The following MACROD2 variants were observed in gnomAD, a reference collection of about 807,000 sequenced individuals.
MACROD2 encodes mono-ADP ribosylhydrolase 2.
In MACROD2, 36 loss-of-function variants were observed where a neutral mutation model predicts 70.4. That is an observed-to-expected ratio of 0.51 (90% CI 0.39 to 0.68). MACROD2 has a LOEUF of 0.68. Among genes scored for constraint, MACROD2 ranks in the 30% least tolerant of loss-of-function variants. The pLI is 0.00. For missense variants in MACROD2, 496 were observed against 538.4 expected (o/e 0.92, Z 0.78); for synonymous variants, 172 against 178.8 (o/e 0.96, Z 0.30).
chr20:15,652,936 A>G (rs140230741), intron 8 of MACROD2, among the ~76,000 whole-genome samples: 43 of 152,286 alleles, frequency 2.8e-4, no homozygotes, highest in African/African-American at 1.0e-3. Context: ...AACTAATATT[A>G]CTGCTATAAT....
At chr20:14,500,503 C>A (rs1188779402) in intron 4 of MACROD2, among the ~76,000 whole-genome samples, 1 of 152,174 alleles carries the variant, frequency 6.6e-6, no homozygotes, top group Non-Finnish European at 1.5e-5. Flanking sequence ...TAACTTAGCC[C>A]TGATTGCTCT....
At chr20:15,618,787 G>T (rs988172129) in intron 8 of MACROD2, among the ~76,000 whole-genome samples, 1 of 152,198 alleles carries the variant, frequency 6.6e-6, no homozygotes, top group African/African-American at 2.4e-5. Context: ...TGCCTAGACA[G>T]AGCTGATTTA....
intron 9 of MACROD2, among the ~76,000 whole-genome samples, chr20:15,867,187 C>G (rs2064505406): frequency 6.6e-6 from 1 of 152,168 alleles, no homozygotes; most frequent in Non-Finnish European, 1.5e-5. Context: ...TTTGGACCCA[C>G]TCTAATTACC....
chr20:14,978,572 A>G (rs1021813244), intron 5 of MACROD2, among the ~76,000 whole-genome samples: 1 of 151,822 alleles, frequency 6.6e-6, no homozygotes, highest in Non-Finnish European at 1.5e-5. Context: ...GCCACAAACT[A>G]GCTATGTGAC....
chr20:14,605,936 T>C, intron 4 of MACROD2, among the ~76,000 whole-genome samples: 1 of 152,108 alleles, frequency 6.6e-6, no homozygotes, highest in East Asian at 1.9e-4. Flanking sequence ...CGTGTAAAAT[T>C]TTTTGTGTCT....
Position 15,721,133 on chromosome 20 carries a change from G to A in MACROD2, c.646-141612G>A, listed in dbSNP as rs192287761. Among the ~76,000 whole-genome samples the A allele has an allele frequency of 3.3e-4, 51 of 152,282 alleles. No individual in the cohort carries two copies. The East Asian group carries it at 8.3e-3, about 25-fold the overall frequency. ...ACATGGGTGGGCAGATTACTCTGTAGAAAGTACCTTCATGGCATGCCATGA... is the reference window on the plus strand; with the variant it reads ...ACATGGGTGGGCAGATTACTCTGTAAAAAGTACCTTCATGGCATGCCATGA... On this transcript the variant is annotated intron_variant, in intron 8 of 17. Coordinates refer to ENST00000684519, the MANE Select transcript of MACROD2 (RefSeq NM_001351661.2).
chr20:15,940,917 A>G (rs1198599614), intron 12 of MACROD2, among the ~76,000 whole-genome samples: 1 of 152,208 alleles, frequency 6.6e-6, no homozygotes, highest in Non-Finnish European at 1.5e-5. Flanking sequence ...AAGTGTCATG[A>G]AGTTGAGTGG....
intron 3 of MACROD2, among the ~76,000 whole-genome samples, chr20:14,458,117 AAAAG>A (rs1292856212): frequency 3.3e-5 from 5 of 152,072 alleles, no homozygotes; most frequent in African/African-American, 4.8e-5. Flanking sequence ...AAGAAAAAAA[AAAAG>A]AGTAAATAAA....
intron 8 of MACROD2, among the ~76,000 whole-genome samples, chr20:15,635,783 G>A (rs554390899): frequency 1.3e-5 from 2 of 152,156 alleles, no homozygotes; most frequent in East Asian, 3.9e-4. Flanking sequence ...AATCCCCAAG[G>A]GCAGCTGGGC....
chr20:15,105,428 C>T (rs796213034), intron 5 of MACROD2, among the ~76,000 whole-genome samples: 96 of 152,238 alleles, frequency 6.3e-4, no homozygotes, highest in African/African-American at 2.1e-3. Context: ...GGTCAAATTC[C>T]TACAACCTCT....
chr20:14,777,452 C>T (rs914572564), intron 5 of MACROD2, among the ~76,000 whole-genome samples: 1 of 151,946 alleles, frequency 6.6e-6, no homozygotes, highest in Non-Finnish European at 1.5e-5. Context: ...GGAAAGCTAT[C>T]AGAACCATGT....
chr20:14,966,843 G>A (rs2074641922), intron 5 of MACROD2, among the ~76,000 whole-genome samples: 2 of 152,000 alleles, frequency 1.3e-5, no homozygotes, highest in East Asian at 1.9e-4. Context: ...TCACTGTTGT[G>A]CCAATGGGTA....
intron 6 of MACROD2, among the ~76,000 whole-genome samples, chr20:15,343,370 A>G (rs577861925): frequency 1.2e-3 from 183 of 152,318 alleles, no homozygotes; most frequent in Admixed American, 1.9e-3. Flanking sequence ...TTGATCTACT[A>G]AATAAAAATG....
chr20:14,003,591 C>T (rs374919433), intron 2 of MACROD2: 8 of 424,684 alleles, frequency 1.9e-5, no homozygotes, highest in Admixed American at 8.3e-5. Context: ...TGCCTGATCA[C>T]GTGAGCATCA....
intron 5 of MACROD2, among the ~76,000 whole-genome samples, chr20:14,858,510 A>G (rs2073279823): frequency 6.6e-6 from 1 of 152,186 alleles, no homozygotes; most frequent in African/African-American, 2.4e-5. Context: ...ACAAAAACAA[A>G]AACAGATAGT....
rs1568725552 is a variant in MACROD2, at chr20:16,035,050, AG to A, written c.1154-6150del. Reference sequence around the variant, plus strand: ...ATAACTAATATATAAAATATAATATAGAATATAAAATATTATATATAAAATA... The same window carrying A: ...ATAACTAATATATAAAATATAATATAAATATAAAATATTATATATAAAATA... On this transcript the variant is annotated intron_variant, in intron 15 of 17. Coordinates refer to ENST00000684519, the MANE Select transcript of MACROD2 (RefSeq NM_001351661.2). 4.3e-5 allele frequency among the ~76,000 whole-genome samples: 6 copies of A among 140,502 alleles called. No homozygotes were observed. The South Asian group carries it at 6.4e-4, about 15-fold the overall frequency. The allele number at this position is 140,502 out of a possible 152,430, so 92.2% of individuals were successfully genotyped here. A position where few individuals can be genotyped will look rare whatever the true frequency, so the allele number is the denominator to read the frequency against.
intron 5 of MACROD2, among the ~76,000 whole-genome samples, chr20:15,109,337 TACTC>T (rs1367866996): frequency 2.0e-5 from 3 of 152,164 alleles, no homozygotes; most frequent in Admixed American, 1.3e-4. Context: ...CCAGAAGAAT[TACTC>T]AAGTAGTAAG....
chr20:14,706,191 G>T (rs1247653763), intron 5 of MACROD2, among the ~76,000 whole-genome samples: 1 of 151,984 alleles, frequency 6.6e-6, no homozygotes, highest in African/African-American at 2.4e-5. Flanking sequence ...GCACACACCT[G>T]TAGTCCCAGC....
At chr20:14,792,200 T>TA (rs2123803458) in intron 5 of MACROD2, among the ~76,000 whole-genome samples, 1 of 152,262 alleles carries the variant, frequency 6.6e-6, no homozygotes, top group Admixed American at 6.5e-5. Flanking sequence ...TGCAATCCAT[T>TA]AGAACATTGG....
Sources: allele counts gnomAD v4.1 joint callset (sites outside exome capture counted in the v4.1 genomes callset), GRCh38; gene constraint gnomAD v4.1.1; transcripts MANE v1.5; gene names NCBI Gene and HGNC (gene_info 2026-07-23, HGNC 2026-07-21).